Variants in CHRM3 observed in about 807,000 individuals in gnomAD.
The protein encoded by CHRM3 is cholinergic receptor muscarinic 3, also known as muscarinic acetylcholine receptor M3.
CHRM3 carries 11 observed loss-of-function variants against 41.8 expected under a neutral mutation model. The observed-to-expected ratio is 0.26, with a 90% CI of 0.17 to 0.44. The LOEUF (loss-of-function observed/expected upper bound fraction) is 0.44. CHRM3 is among the 20% of genes least tolerant of loss of function. The pLI, the probability that CHRM3 is intolerant of heterozygous loss-of-function variation, is 1.00. For missense variants in CHRM3, 571 were observed against 745.4 expected (o/e 0.77, Z 2.72); for synonymous variants, 297 against 301.4 (o/e 0.99, Z 0.15).
rs544836189 is a variant in CHRM3, at chr1:239,840,596, C to T, written c.-20+13218C>T. 8.7e-4 allele frequency among the ~76,000 whole-genome samples: 133 copies of T among 152,248 alleles called. No homozygotes were observed. The South Asian group carries it at 0.012, about 14-fold the overall frequency. Reference sequence around the variant, plus strand: ...TGTAGTACACACCATTGATGGATGGCAGGATGTTCAATTTAGAACTGTTAC... The same window carrying T: ...TGTAGTACACACCATTGATGGATGGTAGGATGTTCAATTTAGAACTGTTAC... On this transcript the variant is annotated intron_variant, in intron 6 of 6. Coordinates refer to ENST00000676153, the MANE Select transcript of CHRM3 (RefSeq NM_001375978.1).
At chr1:239,532,493 T>G (rs1302642243) in intron 2 of CHRM3, among the ~76,000 whole-genome samples, 2 of 150,462 alleles carry the variant, frequency 1.3e-5, no homozygotes, top group Admixed American at 1.3e-4. Context: ...GACATGGTGG[T>G]GTGTGCCTGT....
rs934922390 is a variant in CHRM3, at chr1:239,759,465, A to C, written c.-146-67787A>C. Among the ~76,000 whole-genome samples the C allele has an allele frequency of 1.2e-4, 18 of 152,182 alleles. 1 individual carries two copies. In the East Asian group the frequency reaches 3.5e-3, roughly 29 times the overall value. ...AAATCACAGCCTTTTTGGCCAAATAAATCTTGGCCATATAACCACAAAACA... is the reference window on the plus strand; with the variant it reads ...AAATCACAGCCTTTTTGGCCAAATACATCTTGGCCATATAACCACAAAACA... On this transcript the variant is annotated intron_variant, in intron 5 of 6. Transcript: ENST00000676153.
intron 2 of CHRM3, among the ~76,000 whole-genome samples, chr1:239,520,270 T>C (rs1412892617): frequency 6.6e-6 from 1 of 152,172 alleles, no homozygotes; most frequent in Non-Finnish European, 1.5e-5. Context: ...GTGATATAGT[T>C]TGAATATGTG....
intron 5 of CHRM3, among the ~76,000 whole-genome samples, chr1:239,681,768 G>A (rs181817460): frequency 1.1e-4 from 16 of 152,202 alleles, no homozygotes; most frequent in Non-Finnish European, 2.1e-4. Context: ...GTGTGGTGGT[G>A]CACACCTGTA....
chr1:239,506,406 C>A (rs1295013935), intron 2 of CHRM3, among the ~76,000 whole-genome samples: 2 of 152,156 alleles, frequency 1.3e-5, no homozygotes, highest in Non-Finnish European at 2.9e-5. Context: ...ACAGCTCAGG[C>A]TGTTATTTTA....
chr1:239,500,111 TGA>T (rs34571468), intron 2 of CHRM3, among the ~76,000 whole-genome samples: 36,538 of 151,926 alleles, frequency 0.24, 5,018 homozygotes, highest in Middle Eastern at 0.38. Flanking sequence ...CCTAATTTAT[TGA>T]GAGTTTTTAG....
intron 4 of CHRM3, among the ~76,000 whole-genome samples, chr1:239,660,892 T>C (rs1445951194): frequency 1.3e-5 from 2 of 152,106 alleles, no homozygotes; most frequent in Non-Finnish European, 2.9e-5. Context: ...AAAATAATAA[T>C]AATAGATTAA....
At chr1:239,740,793 G>A (rs946715151) in intron 5 of CHRM3, among the ~76,000 whole-genome samples, 3 of 152,086 alleles carry the variant, frequency 2.0e-5, no homozygotes, top group Admixed American at 6.6e-5. Context: ...TTAGAAGGGC[G>A]ATTATTAAAA....
At chr1:239,433,183 T>C (rs1004116860) in intron 1 of CHRM3, among the ~76,000 whole-genome samples, 1 of 152,160 alleles carries the variant, frequency 6.6e-6, no homozygotes, top group African/African-American at 2.4e-5. Flanking sequence ...CTTATCCTAT[T>C]CTAAGAATAG....
intron 5 of CHRM3, among the ~76,000 whole-genome samples, chr1:239,681,803 G>A (rs1186576822): frequency 6.6e-6 from 1 of 152,136 alleles, no homozygotes; most frequent in East Asian, 1.9e-4. Context: ...GGAGGCTGAG[G>A]TGGGAGGATG....
chr1:239,758,443 T>G (rs1414466090), intron 5 of CHRM3, among the ~76,000 whole-genome samples: 1 of 152,142 alleles, frequency 6.6e-6, no homozygotes, highest in African/African-American at 2.4e-5. Context: ...ATGTAATCAT[T>G]GTAATGATAT....
intron 1 of CHRM3, among the ~76,000 whole-genome samples, chr1:239,422,366 A>T (rs1034546776): frequency 2.6e-5 from 4 of 152,218 alleles, no homozygotes; most frequent in Non-Finnish European, 2.9e-5. Context: ...TCAATAAATA[A>T]TCCTTCCTTT....
chr1:239,745,099 A>C (rs1665232038), intron 5 of CHRM3, among the ~76,000 whole-genome samples: 1 of 152,160 alleles, frequency 6.6e-6, no homozygotes, highest in Admixed American at 6.5e-5. Flanking sequence ...TCAGAGAAAC[A>C]GACTGGAGAG....
intron 3 of CHRM3, chr1:239,606,337 GCAATCTCGGCT>G (rs1666274288): frequency 6.6e-6 from 1 of 151,876 alleles, no homozygotes; most frequent in Non-Finnish European, 1.5e-5. Context: ...GTGCAGTGGC[GCAATCTCGGCT>G]CACTGCTACC....
intron 5 of CHRM3, among the ~76,000 whole-genome samples, chr1:239,772,682 A>T (rs1262694269): frequency 6.6e-6 from 1 of 151,628 alleles, no homozygotes; most frequent in Non-Finnish European, 1.5e-5. Flanking sequence ...CTTTTTTGCA[A>T]ATTCTCCTAC....
intron 3 of CHRM3, among the ~76,000 whole-genome samples, chr1:239,553,078 A>C (rs1660022056): frequency 6.6e-6 from 1 of 152,004 alleles, no homozygotes; most frequent in Non-Finnish European, 1.5e-5. Context: ...CCATTTACAA[A>C]CGAGGAGACG....
intron 1 of CHRM3, among the ~76,000 whole-genome samples, chr1:239,440,396 A>T (rs1663623966): frequency 5.3e-5 from 8 of 152,116 alleles, no homozygotes; most frequent in Admixed American, 5.2e-4. Context: ...GCTGAGGCCG[A>T]TGGAGCACCT....
chr1:239,467,687 C>T (rs1665829868), intron 1 of CHRM3, among the ~76,000 whole-genome samples: 1 of 152,096 alleles, frequency 6.6e-6, no homozygotes, highest in Non-Finnish European at 1.5e-5. Flanking sequence ...TATAAGCTTA[C>T]CTATTGGCTT....
chr1:239,743,788 C>CTTTTTTTTTTTTTTTTTT (rs10718514), intron 5 of CHRM3, among the ~76,000 whole-genome samples: 99 of 81,168 alleles, frequency 1.2e-3, no homozygotes, highest in Non-Finnish European at 1.5e-3. Flanking sequence ...TTTTTTTTTT[C>CTTTTTTTTTTTTTTTTTT]TTTTTTTTTT....
Sources: gnomAD v4.1 joint callset for allele counts (sites outside exome capture counted in the v4.1 genomes callset) on GRCh38, gnomAD v4.1.1 for gene constraint, MANE v1.5 for transcripts, NCBI Gene and HGNC (gene_info 2026-07-23, HGNC 2026-07-21) for gene names.